CSPG4: variants seen among roughly 807,000 people sequenced by gnomAD.
CSPG4 encodes the protein chondroitin sulfate proteoglycan 4.
Under a neutral mutation model 139.3 loss-of-function variants are expected in CSPG4, and 74 were observed. That is an observed-to-expected ratio of 0.53 (90% CI 0.44 to 0.64). The LOEUF (loss-of-function observed/expected upper bound fraction) is 0.64. CSPG4 is among the 30% of genes least tolerant of loss of function. The pLI is 0.00. For missense variants in CSPG4, 2,565 were observed against 3,148.3 expected, an observed-to-expected ratio of 0.81 and a Z score of 4.43; for synonymous variants, 1,234 against 1,394.2, an observed-to-expected ratio of 0.89 and a Z score of 2.56.
In CSPG4 at chr15:75,687,489, C is replaced by T. The variant is rs1448046274; in HGVS notation, c.3576G>A (p.Leu1192=). ...QPATAFSQQD[L]LDGAVLYSHN... is the part of the protein sequence containing the mutation. The stretch of plus-strand genomic sequence containing the variant: ...GGCTATAGAGAACGGCCCCATCCAG[C>T]AGGTCCTGCTGGGAGAAGGCTGTGG... The change falls in exon 3 of 10, where the codon CTG becomes CTA. Residue 1192 remains leucine, a synonymous_variant. Coordinates refer to ENST00000308508, the MANE Select transcript of CSPG4 (RefSeq NM_001897.5). The surrounding 1 kb of genome is among the most constrained non-coding windows in gnomAD (Gnocchi z 5.4). 1 of 1,612,572 alleles carries T rather than the reference C, an allele frequency of 6.2e-7. No homozygotes were observed. Among genetic ancestry groups the T allele is most frequent in the Non-Finnish European group, 8.5e-7 (1 of 1,179,744 alleles).
At chr15:75,693,376 C>T (rs1429240523) in intron 1 of CSPG4, 143 bp from the exon 2 acceptor site, 11 of 797,462 alleles carry the variant, frequency 1.4e-5, no homozygotes, top group Non-Finnish European at 3.9e-6. Context: ...TGCCTCTGAG[C>T]ACTGCCCGGG....
chr15:75,711,625 C>A (rs980823202), intron 1 of CSPG4, among the ~76,000 whole-genome samples: 2 of 152,292 alleles, frequency 1.3e-5, no homozygotes, highest in Non-Finnish European at 2.9e-5. Context: ...TCTTTTAGAG[C>A]TGGCTTCTCC....
At chr15:75,707,386 G>A (rs775431478) in intron 1 of CSPG4, among the ~76,000 whole-genome samples, 19 of 152,214 alleles carry the variant, frequency 1.2e-4, no homozygotes, top group Non-Finnish European at 2.5e-4. Flanking sequence ...TTTAGACTTG[G>A]GTCCCATCTT....
chr15:75,710,295 C>T (rs1447221266), intron 1 of CSPG4, among the ~76,000 whole-genome samples: 2 of 152,324 alleles, frequency 1.3e-5, no homozygotes, highest in Non-Finnish European at 2.9e-5. Flanking sequence ...AGAATGTCAC[C>T]TCCTTCCTTC....
At position 75,696,772 on chromosome 15, in the gene CSPG4, T is replaced by A. The variant is rs1453366092; in HGVS notation, c.89-3539A>T. Among the ~76,000 whole-genome samples, 1 of 152,136 alleles carries A rather than the reference T, an allele frequency of 6.6e-6. No individual in the cohort carries two copies. The highest frequency in any genetic ancestry group is 2.4e-5 in the African/African-American group (1 of 41,432). On this transcript the variant is annotated intron_variant, in intron 1 of 9. Transcript: ENST00000308508. The surrounding 1 kb of genome is among the most constrained non-coding windows in gnomAD (Gnocchi z 4.2). Reference sequence around the variant, plus strand: ...TGGGCCTGAGGGTGGGGTGGCTCCATCCTTCTTCCTGAGATCTAGGCCTGG... The same window carrying A: ...TGGGCCTGAGGGTGGGGTGGCTCCAACCTTCTTCCTGAGATCTAGGCCTGG...
In CSPG4 at chr15:75,689,886, T is replaced by C. The variant is rs78884605; in HGVS notation, c.1179A>G (p.Gly393=). 2 of 1,571,408 alleles carry C rather than the reference T, an allele frequency of 1.3e-6. No individual in the cohort carries two copies. Among genetic ancestry groups the C allele is most frequent in the Admixed American group, 1.7e-5 (1 of 58,824 alleles). ...CCAGGGTGGAGAAAGCTTCATAATG[T>C]CCATAGGCATCGTCCTCATACTCCT... ...EEEEYEDDAY[G]HYEAFSTLAP... is the part of the protein sequence containing the mutation. The change falls in exon 3 of 10, where the codon GGA becomes GGG. Residue 393 remains glycine, a synonymous_variant. Transcript: ENST00000308508.
At chr15:75,706,018 T>TGG (rs1316934544) in intron 1 of CSPG4, among the ~76,000 whole-genome samples, 2 of 152,202 alleles carry the variant, frequency 1.3e-5, no homozygotes, top group African/African-American at 4.8e-5. Flanking sequence ...TGTGTGTGTG[T>TGG]GGCTAGGCCT....
Position 75,686,910 on chromosome 15 carries a change from A to G in CSPG4, c.3789+366T>C, listed in dbSNP as rs200747850. ...TAGCGGCCTGTCTCCACGGTCAGCA[A>G]TCCCCAAAGCTCAGGACCCGTGATG... On this transcript the variant is annotated intron_variant, in intron 3 of 9. Coordinates refer to ENST00000308508, the MANE Select transcript of CSPG4 (RefSeq NM_001897.5). 6.6e-3 allele frequency among the ~76,000 whole-genome samples: 910 copies of G among 137,944 alleles called. 1 individual carries two copies. Among genetic ancestry groups the G allele is most frequent in the Non-Finnish European group, 8.6e-3 (521 of 60,398 alleles). 90.5% of individuals were successfully genotyped at this position (137,944 alleles called of 152,430 possible). A position where few individuals can be genotyped will look rare whatever the true frequency, so the allele number is the denominator to read the frequency against.
At position 75,685,295 on chromosome 15, in the gene CSPG4, T is replaced by C; in HGVS notation, c.4196A>G (p.Glu1399Gly). The change falls in exon 4 of 10, where the codon GAG becomes GGG. Residue 1399 changes from glutamate to glycine, a missense_variant. Physicochemically the swap from Glu to Gly is moderately conservative, Grantham distance 98 (BLOSUM62 -2). Coordinates refer to ENST00000308508, the MANE Select transcript of CSPG4 (RefSeq NM_001897.5). ...TLLGLSLQVL[E>G]PPQHGALQKE... ...CTGCAGGGCTCCATGCTGGGGTGGCTCCAGCACCTGCAGGCTGAGGCCCAG... is the reference window on the plus strand; with the variant it reads ...CTGCAGGGCTCCATGCTGGGGTGGCCCCAGCACCTGCAGGCTGAGGCCCAG... 6.3e-7 allele frequency: 1 copy of C among 1,585,674 alleles called. No individual in the cohort carries two copies. The highest frequency in any genetic ancestry group is 8.6e-7 in the Non-Finnish European group (1 of 1,163,674).
chr15:75,675,826 C>A lies in CSPG4; in HGVS notation c.6693G>T (p.Leu2231=), dbSNP rs765939966. The change falls in exon 10 of 10, where the codon CTG becomes CTT. Residue 2231 remains leucine (L), a synonymous_variant. Transcript: ENST00000308508. ...NMFSVIIPMC[L]VLLLLALILP... The stretch of plus-strand genomic sequence containing the variant: ...GGATGAGCGCCAGGAGCAGAAGTAC[C>A]AGGCACATGGGGATGATGACGCTGA... 1.9e-6 allele frequency: 3 copies of A among 1,612,892 alleles called. No homozygotes were observed.
rs758328139 is a variant in CSPG4, at chr15:75,690,673, G to A, written c.392C>T (p.Ala131Val). The change falls in exon 3 of 10, where the codon GCC (alanine) becomes GTC (valine). Residue 131 changes from alanine to valine, a missense_variant. Coordinates refer to ENST00000308508, the MANE Select transcript of CSPG4 (RefSeq NM_001897.5). ...ATLSVDGFLN[A>V]SSAVPGAPLE... ...GGGGGCTCCTGGGACTGCTGAGGAG[G>A]CGTTCAGAAACCCATCGACTGACAA... is the stretch of plus-strand genomic sequence containing the variant. The A allele has an allele frequency of 2.5e-6, 4 of 1,612,544 alleles. No homozygotes were observed. Among genetic ancestry groups the A allele is most frequent in the East Asian group, 4.5e-5 (2 of 44,896 alleles).
intron 2 of CSPG4, among the ~76,000 whole-genome samples, chr15:75,691,248 G>A (rs1894162259): frequency 6.6e-6 from 1 of 152,166 alleles, no homozygotes; most frequent in Non-Finnish European, 1.5e-5. Flanking sequence ...TAGGACAAGA[G>A]CCTCTGGTGC....
Position 75,677,339 on chromosome 15 carries a change from G to C in CSPG4, c.5180C>G (p.Ala1727Gly). 2 of 1,412,866 alleles carry C rather than the reference G, an allele frequency of 1.4e-6. No individual in the cohort carries two copies. Among genetic ancestry groups the C allele is most frequent in the Non-Finnish European group, 1.9e-6 (2 of 1,080,040 alleles). 87.5% of individuals were successfully genotyped at this position (1,412,866 alleles called of 1,614,324 possible). A position where few individuals can be genotyped will look rare whatever the true frequency, so the allele number is the denominator to read the frequency against. Residue 1727 changes from alanine to glycine, a missense_variant, in exon 10 of 10, where the codon GCT becomes GGT. Transcript: ENST00000308508. ...EGQRARITVA[A>G]LDASNLLASV... is the part of the protein sequence containing the mutation. ...GGCCAAGAGATTGGAGGCATCCAGA[G>C]CAGCCACGGTGATCCTGGCCCGCTG...
intron 1 of CSPG4, among the ~76,000 whole-genome samples, chr15:75,699,165 C>A (rs1894269225): frequency 6.6e-6 from 1 of 152,208 alleles, no homozygotes; most frequent in Non-Finnish European, 1.5e-5. Context: ...ACAACAGCAG[C>A]CATCATCTCA....
chr15:75,700,733 C>T (rs1197133004), intron 1 of CSPG4, among the ~76,000 whole-genome samples: 7 of 152,064 alleles, frequency 4.6e-5, no homozygotes, highest in African/African-American at 4.8e-5. Flanking sequence ...GCTGGGGCGG[C>T]GTCTCGGGGC....
Position 75,687,125 on chromosome 15 carries a change from A to G in CSPG4, c.3789+151T>C. 4 of 897,252 alleles carry G rather than the reference A, an allele frequency of 4.5e-6. No homozygotes were observed. The highest frequency in any genetic ancestry group is 7.0e-6 in the Non-Finnish European group (4 of 572,514). The allele number at this position is 897,252 out of a possible 1,614,324, so 55.6% of individuals were successfully genotyped here. A position where few individuals can be genotyped will look rare whatever the true frequency, so the allele number is the denominator to read the frequency against. On this transcript the variant is annotated intron_variant, in intron 3 of 9. Coordinates refer to ENST00000308508, the MANE Select transcript of CSPG4 (RefSeq NM_001897.5). The surrounding 1 kb of genome is among the most constrained non-coding windows in gnomAD (Gnocchi z 5.4). ...GCTCCCCAGAAACTCCTGGGAGCAC[A>G]ACATATACGGGAGCACATCTGAGGC...
At chr15:75,681,923 C>T (rs1299149040) in intron 8 of CSPG4, among the ~76,000 whole-genome samples, 1 of 152,222 alleles carries the variant, frequency 6.6e-6, no homozygotes, top group Admixed American at 6.5e-5. Flanking sequence ...CAACTCCATC[C>T]CCCACCAAGC....
In CSPG4 at chr15:75,676,266, G is replaced by A. The variant is rs1252588144; in HGVS notation, c.6253C>T (p.Leu2085Phe). 1 of 1,574,156 alleles carries A rather than the reference G, an allele frequency of 6.4e-7. No homozygotes were observed. ...CGGCCATGCCGGGGTCCCTCCAGGAGGCGGAAGCGCGGCACACTGCCTGTG... is the reference window on the plus strand; with the variant it reads ...CGGCCATGCCGGGGTCCCTCCAGGAAGCGGAAGCGCGGCACACTGCCTGTG... ...NRTGSVPRFR[L>F]LEGPRHGRVV... The change falls in exon 10 of 10, where the codon CTC becomes TTC. Residue 2085 changes from leucine to phenylalanine, a missense_variant. Transcript: ENST00000308508.
rs757025403 is a variant in CSPG4, at chr15:75,689,010, G to A, written c.2055C>T (p.Asn685=). ...CCACGGCATTGGTCTCCACCGACAGGTTGGCGGGCAAGATGGGCATGGCAG... is the reference window on the plus strand; with the variant it reads ...CCACGGCATTGGTCTCCACCGACAGATTGGCGGGCAAGATGGGCATGGCAG... ...QGSAMPILPA[N]LSVETNAVGQ... is the part of the protein sequence containing the mutation. Residue 685 remains asparagine (N), a synonymous_variant, in exon 3 of 10, where the codon AAC becomes AAT. Transcript: ENST00000308508. The A allele has an allele frequency of 1.2e-6, 2 of 1,612,120 alleles. No homozygotes were observed. The highest frequency in any genetic ancestry group is 1.7e-5 in the Admixed American group (1 of 60,014).
Sources: gnomAD v4.1 joint callset for allele counts (sites outside exome capture counted in the v4.1 genomes callset) on GRCh38, gnomAD v4.1.1 for gene constraint, Gnocchi (gnomAD v3.1) non-coding constraint, MANE v1.5 for transcripts, NCBI Gene and HGNC (gene_info 2026-07-23, HGNC 2026-07-21) for gene names.